Variants in GPM6A observed in about 807,000 individuals in gnomAD.
GPM6A encodes the protein neuronal membrane glycoprotein M6-a.
In GPM6A, 7 loss-of-function variants were observed where a neutral mutation model predicts 32.1. That is an observed-to-expected ratio of 0.22 (90% CI 0.12 to 0.41). The LOEUF (loss-of-function observed/expected upper bound fraction) is 0.41. Among genes scored for constraint, GPM6A ranks in the 10% least tolerant of loss-of-function variants. The pLI is 1.00. For synonymous variants in GPM6A, 130 were observed against 123.4 expected (o/e 1.05, Z -0.35); for missense variants, 235 against 347.2 (o/e 0.68, Z 2.57).
At chr4:175,826,022 A>G (rs6838421) in intron 1 of GPM6A, among the ~76,000 whole-genome samples, 125,698 of 151,946 alleles carry the variant, frequency 0.83, 53,492 homozygotes, top group Middle Eastern at 0.95. Context: ...TCAAAAAATT[A>G]GAGGGCATGG....
intron 1 of GPM6A, among the ~76,000 whole-genome samples, chr4:175,745,007 C>T (rs759644387): frequency 2.0e-5 from 3 of 152,012 alleles, no homozygotes; most frequent in Non-Finnish European, 2.9e-5. Context: ...TTTCATTATC[C>T]CTTTTCTCTG....
rs535159071 is a variant in GPM6A at position 175,936,782 on chromosome 4, C to T, written c.-23+65527G>A. On this transcript the variant is annotated intron_variant, in intron 1 of 7. Transcript: ENST00000280187. ...ATAAGCACAAGACTCAGAGAAACTACGTGGTAAATTGTAGTGGGGGGTTCA... is the reference window on the plus strand; with the variant it reads ...ATAAGCACAAGACTCAGAGAAACTATGTGGTAAATTGTAGTGGGGGGTTCA... Among the ~76,000 whole-genome samples the T allele has an allele frequency of 1.1e-4, 16 of 151,896 alleles. 1 individual carries two copies. Among genetic ancestry groups the T allele is most frequent in the South Asian group, 2.1e-4 (1 of 4,814 alleles).
intron 1 of GPM6A, among the ~76,000 whole-genome samples, chr4:175,993,660 A>G (rs189982411): frequency 4.2e-4 from 64 of 152,354 alleles, no homozygotes; most frequent in South Asian, 3.9e-3. Context: ...TGAGTTAGCA[A>G]AGTAGGCAGT....
At chr4:175,787,956 C>G (rs1733865008) in intron 1 of GPM6A, 1 of 152,182 alleles carries the variant, frequency 6.6e-6, no homozygotes, top group Non-Finnish European at 1.5e-5. Context: ...TACATATATA[C>G]TTTGAAGTTT....
At chr4:175,845,178 T>C (rs939727097) in intron 1 of GPM6A, among the ~76,000 whole-genome samples, 2 of 152,158 alleles carry the variant, frequency 1.3e-5, no homozygotes, top group African/African-American at 4.8e-5. Context: ...ACAAAAACTG[T>C]GTGTTTTCCT....
At chr4:175,970,363 A>C (rs1740463383) in intron 1 of GPM6A, among the ~76,000 whole-genome samples, 1 of 152,210 alleles carries the variant, frequency 6.6e-6, no homozygotes, top group African/African-American at 2.4e-5. Context: ...GACACAGTAA[A>C]GTGAACTTCC....
chr4:175,658,451 G>C (rs1285505492), intron 3 of GPM6A, among the ~76,000 whole-genome samples: 1 of 152,126 alleles, frequency 6.6e-6, no homozygotes, highest in Admixed American at 6.6e-5. Context: ...GGAGCACAGA[G>C]GATTTGTAGA....
At chr4:175,843,580 C>T (rs1736002565) in intron 1 of GPM6A, among the ~76,000 whole-genome samples, 1 of 152,262 alleles carries the variant, frequency 6.6e-6, no homozygotes, top group African/African-American at 2.4e-5. Context: ...GAGTTTGGGA[C>T]CCAGGCGAGC....
At chr4:175,927,405 T>A (rs1249858500) in intron 1 of GPM6A, among the ~76,000 whole-genome samples, 1 of 152,252 alleles carries the variant, frequency 6.6e-6, no homozygotes. Context: ...ATGGCATTTT[T>A]TTAATAGCTA....
intron 1 of GPM6A, among the ~76,000 whole-genome samples, chr4:175,905,722 A>G (rs939312383): frequency 7.9e-5 from 12 of 152,102 alleles, no homozygotes; most frequent in Admixed American, 3.3e-4. Context: ...CTTTCAGTAT[A>G]TATTTTCTAA....
chr4:175,875,063 C>T (rs1019647332), intron 1 of GPM6A, among the ~76,000 whole-genome samples: 2 of 152,168 alleles, frequency 1.3e-5, no homozygotes, highest in African/African-American at 4.8e-5. Context: ...CCTCCCAGTA[C>T]ATCCAAGAGG....
chr4:175,996,201 T>C (rs1741303009), intron 1 of GPM6A, among the ~76,000 whole-genome samples: 1 of 152,336 alleles, frequency 6.6e-6, no homozygotes, highest in African/African-American at 2.4e-5. Flanking sequence ...GCCTCGATTT[T>C]TTGTAATCAC....
intron 1 of GPM6A, among the ~76,000 whole-genome samples, chr4:175,857,787 T>C (rs945116141): frequency 2.6e-5 from 4 of 152,006 alleles, no homozygotes; most frequent in Admixed American, 2.0e-4. Flanking sequence ...AAAAGACTGA[T>C]TGTTTTCCAC....
At chr4:175,649,014 A>G (rs1328910961) in intron 4 of GPM6A, among the ~76,000 whole-genome samples, 2 of 152,204 alleles carry the variant, frequency 1.3e-5, no homozygotes, top group Non-Finnish European at 2.9e-5. Context: ...TTTACTCAAG[A>G]TTATAGTTGA....
chr4:175,877,180 C>G (rs1737108802), intron 1 of GPM6A, among the ~76,000 whole-genome samples: 1 of 152,148 alleles, frequency 6.6e-6, no homozygotes. Flanking sequence ...TGTGTGGGCA[C>G]AGTGTGGCAC....
intron 1 of GPM6A, among the ~76,000 whole-genome samples, chr4:175,771,938 C>T (rs1389376288): frequency 1.3e-5 from 2 of 152,142 alleles, no homozygotes; most frequent in African/African-American, 4.8e-5. Flanking sequence ...TTTTGCTTGT[C>T]AGTAATCTGA....
At chr4:175,861,795 C>A (rs1267004918) in intron 1 of GPM6A, among the ~76,000 whole-genome samples, 1 of 146,386 alleles carries the variant, frequency 6.8e-6, no homozygotes, top group African/African-American at 2.5e-5. Context: ...AATCTGATTG[C>A]TAGAGGTGAG....
At chr4:175,650,275 TTTATTTATTTATTTATTTATTTA>T (rs1560851576) in intron 4 of GPM6A, among the ~76,000 whole-genome samples, 10 of 5,002 alleles carry the variant, frequency 2.0e-3, no homozygotes, top group African/African-American at 2.2e-3. Context: ...CATTATTTTA[TTTATTTATTTATTTATTTATTTA>T]TTTATTTATT....
chr4:175,858,357 C>A (rs564486725), intron 1 of GPM6A, among the ~76,000 whole-genome samples: 1 of 151,964 alleles, frequency 6.6e-6, no homozygotes, highest in Non-Finnish European at 1.5e-5. Flanking sequence ...CACAAAGAAA[C>A]CCCGTCTCTA....
Sources: gnomAD v4.1 joint callset for allele counts (sites outside exome capture counted in the v4.1 genomes callset) on GRCh38, gnomAD v4.1.1 for gene constraint, MANE v1.5 for transcripts, NCBI Gene and HGNC (gene_info 2026-07-23, HGNC 2026-07-21) for gene names.